The following RPTOR variants were observed in gnomAD, a reference collection of about 807,000 sequenced individuals.
The protein encoded by RPTOR is regulatory associated protein of MTOR complex 1, also known as regulatory-associated protein of mTOR.
A neutral mutation model predicts 169.9 loss-of-function variants in RPTOR; 21 were observed. The ratio of observed to expected loss-of-function variants is 0.12; its 90% CI spans 0.09 to 0.18. RPTOR has a LOEUF of 0.18. Among genes scored for constraint, RPTOR ranks in the 10% least tolerant of loss-of-function variants. The pLI is 1.00. For synonymous variants in RPTOR, 732 were observed against 753.2 expected (o/e 0.97, Z 0.46); for missense variants, 1,133 against 1,855.9 (o/e 0.61, Z 7.16).
At chr17:80,605,148 C>G (rs1484170460) in intron 1 of RPTOR, among the ~76,000 whole-genome samples, 1 of 152,222 alleles carries the variant, frequency 6.6e-6, no homozygotes, top group Non-Finnish European at 1.5e-5. Context: ...CACCAGCACT[C>G]AGATGCCCTG....
At chr17:80,559,441 C>T (rs1302942721) in intron 1 of RPTOR, among the ~76,000 whole-genome samples, 1 of 152,174 alleles carries the variant, frequency 6.6e-6, no homozygotes, top group Non-Finnish European at 1.5e-5. Context: ...CTGTGCCCTC[C>T]CTGCCCCAGT....
chr17:80,625,477 C>T (rs955239274), intron 1 of RPTOR, among the ~76,000 whole-genome samples: 2 of 152,078 alleles, frequency 1.3e-5, no homozygotes, highest in African/African-American at 2.4e-5. Flanking sequence ...TCCCTCTCAC[C>T]ACCTGTCCCC....
chr17:80,860,650 A>G lies in RPTOR; in HGVS notation c.1509+2750A>G, dbSNP rs2067907760. ...TTGGAGGCAGGCGTCAGTCGTACCC[A>G]GCACCAGTTGACCTCTCGCTGGTTC... On this transcript the variant is annotated intron_variant, in intron 13 of 33. Transcript: ENST00000306801. The surrounding 1 kb of genome is among the most constrained non-coding windows in gnomAD (Gnocchi z 5.8). Among the ~76,000 whole-genome samples, 1 of 152,062 alleles carries G rather than the reference A, an allele frequency of 6.6e-6. No homozygotes were observed.
At chr17:80,593,928 CCT>C (rs895476344) in intron 1 of RPTOR, 1 of 152,124 alleles carries the variant, frequency 6.6e-6, no homozygotes, top group African/African-American at 2.4e-5. Flanking sequence ...TCTTTGGACT[CCT>C]CCGTGATTCT....
chr17:80,889,859 ATG>A (rs2068296171), intron 17 of RPTOR, among the ~76,000 whole-genome samples: 3 of 114,162 alleles, frequency 2.6e-5, no homozygotes, highest in Non-Finnish European at 3.8e-5. Context: ...AGGCCCCCGT[ATG>A]CAGCAGGATG....
At chr17:80,619,411 T>C (rs1162815216) in intron 1 of RPTOR, among the ~76,000 whole-genome samples, 1 of 152,222 alleles carries the variant, frequency 6.6e-6, no homozygotes, top group Non-Finnish European at 1.5e-5. Flanking sequence ...TAAATATATA[T>C]GATTTTATCC....
At position 80,880,466 on chromosome 17, in the gene RPTOR, G is replaced by C; in HGVS notation, c.1561G>C (p.Val521Leu). 1 of 1,613,668 alleles carries C rather than the reference G, an allele frequency of 6.2e-7. No homozygotes were observed. Among genetic ancestry groups the C allele is most frequent in the Non-Finnish European group, 8.5e-7 (1 of 1,180,006 alleles). The change falls in exon 14 of 34, where the codon GTC becomes CTC. Residue 521 changes from valine to leucine, a missense_variant. By Grantham distance (32) the Val-to-Leu change is conservative. Around this residue, in one of 9 missense-constraint regions of RPTOR, gnomAD observed 289 missense variants for 585.8 expected, o/e 0.49. Transcript: ENST00000306801. ...CAACGGCCACAAGTACTTCCTGTCGGTCCTGGCGGACCCCTACATGCCAGT... is the reference window on the plus strand; with the variant it reads ...CAACGGCCACAAGTACTTCCTGTCGCTCCTGGCGGACCCCTACATGCCAGT... ...KDNGHKYFLS[V>L]LADPYMPAEH...
At chr17:80,780,698 C>T (rs2066932992) in intron 6 of RPTOR, among the ~76,000 whole-genome samples, 6 of 152,104 alleles carry the variant, frequency 3.9e-5, no homozygotes, top group Admixed American at 3.9e-4. Flanking sequence ...TCAGGTGAGT[C>T]GTAAGAGTCA....
chr17:80,657,745 G>A (rs1270152701), intron 3 of RPTOR, among the ~76,000 whole-genome samples: 1 of 152,106 alleles, frequency 6.6e-6, no homozygotes, highest in Non-Finnish European at 1.5e-5. Flanking sequence ...GGATAGGGGA[G>A]TTTTTAATCT....
chr17:80,707,847 T>C lies in RPTOR; in HGVS notation c.355T>C (p.Tyr119His). Reference protein sequence around the residue: ...QYENWQPRARYKQSLDPTVDE... With the variant: ...QYENWQPRARHKQSLDPTVDE... ...ATTTCTTCTCCTGCAACAGGCCCGG[T>C]ACAAGCAGAGCCTTGACCCAACTGT... Residue 119 changes from tyrosine to histidine, a missense_variant, in exon 4 of 34, where the codon TAC becomes CAC. Tyr to His is a moderately conservative substitution (Grantham distance 83, BLOSUM62 2). Transcript: ENST00000306801. This position sits in a 1 kb window ranked among gnomAD's most constrained non-coding sequence, Gnocchi z 5.0. 1 of 1,612,264 alleles carries C rather than the reference T, an allele frequency of 6.2e-7. No individual in the cohort carries two copies. Among genetic ancestry groups the C allele is most frequent in the Non-Finnish European group, 8.5e-7 (1 of 1,178,578 alleles).
In RPTOR at chr17:80,670,682, A is replaced by G. The variant is rs569588131; in HGVS notation, c.348+26872A>G. 1.5e-4 allele frequency among the ~76,000 whole-genome samples: 23 copies of G among 152,282 alleles called. No individual in the cohort carries two copies. In the East Asian group the frequency reaches 2.7e-3, roughly 18 times the overall value. On this transcript the variant is annotated intron_variant, in intron 3 of 33. Coordinates refer to ENST00000306801, the MANE Select transcript of RPTOR (RefSeq NM_020761.3). ...GGCCAGGTGGTCATCCGCAGTCCAC[A>G]CACGCATTCAGCTCTGGTATACGAT...
At chr17:80,655,114 C>T (rs1383592500) in intron 3 of RPTOR, among the ~76,000 whole-genome samples, 1 of 152,202 alleles carries the variant, frequency 6.6e-6, no homozygotes, top group Non-Finnish European at 1.5e-5. Context: ...GAGACAGAGC[C>T]TTGCTCTGCC....
At chr17:80,893,930 CACAGA>C in intron 20 of RPTOR, 65 bp downstream of exon 20, 2 of 1,431,446 alleles carry the variant, frequency 1.4e-6, no homozygotes, top group Non-Finnish European at 1.9e-6. Context: ...CACAGAGCAG[CACAGA>C]CCTGTGTCTG....
At chr17:80,921,436 T>C (rs1038445796) in intron 21 of RPTOR, among the ~76,000 whole-genome samples, 9 of 152,106 alleles carry the variant, frequency 5.9e-5, no homozygotes, top group African/African-American at 2.2e-4. Context: ...CTGAGCAGTG[T>C]ACTCAGAACA....
At chr17:80,858,028 C>A in intron 13 of RPTOR, 128 bp downstream of exon 13, 1 of 758,664 alleles carries the variant, frequency 1.3e-6, no homozygotes, top group Non-Finnish European at 2.2e-6. Flanking sequence ...CCGTTCCCTT[C>A]CTCTCTTCTG....
chr17:80,558,739 A>G (rs909682126), intron 1 of RPTOR, among the ~76,000 whole-genome samples: 5 of 152,114 alleles, frequency 3.3e-5, no homozygotes, highest in African/African-American at 4.8e-5. Flanking sequence ...CAGGACCTGT[A>G]TCATGGATAT....
chr17:80,711,413 G>T (rs1251787978), intron 4 of RPTOR, among the ~76,000 whole-genome samples: 2 of 152,048 alleles, frequency 1.3e-5, no homozygotes, highest in African/African-American at 4.8e-5. Context: ...CAGACATCCT[G>T]ACACTAAGAA....
rs560099836 is a variant in RPTOR at position 80,944,371 on chromosome 17, T to G, written c.3026-1296T>G. 1.4e-4 allele frequency among the ~76,000 whole-genome samples: 21 copies of G among 152,370 alleles called. No individual in the cohort carries two copies. The East Asian group carries it at 3.5e-3, about 25-fold the overall frequency. ...TTATTCTGAAACTTTAGCACTTTCT[T>G]CATATAATCTGACCCAGATAAATTT... On this transcript the variant is annotated intron_variant, in intron 25 of 33. Coordinates refer to ENST00000306801, the MANE Select transcript of RPTOR (RefSeq NM_020761.3).
At chr17:80,884,074 G>C in intron 16 of RPTOR, 102 bp downstream of exon 16, 1 of 1,129,092 alleles carries the variant, frequency 8.9e-7, no homozygotes, top group South Asian at 1.5e-5. Flanking sequence ...ACGTGTCCAG[G>C]AACTTCAGGG....
Sources: gnomAD v4.1 joint callset for allele counts (sites outside exome capture counted in the v4.1 genomes callset) on GRCh38, gnomAD v4.1.1 for gene constraint, gnomAD v4.1.1 regional missense constraint, Gnocchi (gnomAD v3.1) non-coding constraint, MANE v1.5 for transcripts, NCBI Gene and HGNC (gene_info 2026-07-23, HGNC 2026-07-21) for gene names.